NEBL: variants seen among roughly 807,000 people sequenced by gnomAD.
NEBL encodes the protein LIM and SH3 protein 2.
NEBL carries 122 observed loss-of-function variants against 140.2 expected under a neutral mutation model. That is an observed-to-expected ratio of 0.87 (90% CI 0.75 to 1.01). The LOEUF is 1.01. Ranked by LOEUF, NEBL falls within the 50% of genes least tolerant of loss-of-function variation. The pLI is 0.00. For synonymous variants in NEBL, 436 were observed against 398.9 expected, an observed-to-expected ratio of 1.09 and a Z score of -1.11; for missense variants, 1,365 against 1,231.3, an observed-to-expected ratio of 1.11 and a Z score of -1.62.
rs1028106790 is a variant in NEBL, at chr10:20,808,505, G to A, written c.2761+5C>T. ...TTTTCTTTGTAAGCAGTGAATGTTT[G>A]ATACCTCCTTCATCAGACGGTCTTG... On this transcript the variant is annotated splice_donor_5th_base_variant and intron_variant, in intron 26 of 27. Coordinates refer to ENST00000377122, the MANE Select transcript of NEBL (RefSeq NM_006393.3). The A allele has an allele frequency of 6.2e-7, 1 of 1,613,604 alleles. No homozygotes were observed. Among genetic ancestry groups the A allele is most frequent in the African/African-American group, 1.3e-5 (1 of 74,880 alleles).
intron 2 of NEBL, among the ~76,000 whole-genome samples, chr10:21,150,733 C>A (rs966601239): frequency 2.6e-5 from 4 of 152,092 alleles, no homozygotes; most frequent in African/African-American, 9.7e-5. Context: ...AAGTCACACC[C>A]GAAGCCAACA....
At chr10:20,947,306 C>T (rs12217637) in intron 4 of NEBL, among the ~76,000 whole-genome samples, 6,416 of 152,178 alleles carry the variant, frequency 0.042, 283 homozygotes, top group East Asian at 0.16. Context: ...TCAGGCAGCA[C>T]AGATTTAAGA....
At chr10:21,029,542 C>A (rs1217342893) in intron 2 of NEBL, 2 of 1,606,670 alleles carry the variant, frequency 1.2e-6, no homozygotes, top group Non-Finnish European at 1.7e-6. Context: ...CAGGGACGAT[C>A]GTTCTTTTGG....
At chr10:21,243,743 G>A (rs779717258) in intron 3 of NEBL, among the ~76,000 whole-genome samples, 6 of 152,178 alleles carry the variant, frequency 3.9e-5, no homozygotes, top group Non-Finnish European at 5.9e-5. Flanking sequence ...TTCAACCTGC[G>A]CTTCCTTTCC....
chr10:20,953,481 C>T (rs1004973598), intron 4 of NEBL, among the ~76,000 whole-genome samples: 5 of 150,910 alleles, frequency 3.3e-5, no homozygotes, highest in African/African-American at 1.2e-4. Context: ...TGTTATGGTG[C>T]CTGAGCAGAC....
chr10:20,958,847 T>C (rs189185243), intron 4 of NEBL, among the ~76,000 whole-genome samples: 4 of 152,182 alleles, frequency 2.6e-5, no homozygotes, highest in Non-Finnish European at 5.9e-5. Flanking sequence ...CACTCTCACC[T>C]CGTTCATCAC....
intron 3 of NEBL, among the ~76,000 whole-genome samples, chr10:21,191,660 A>G (rs969829138): frequency 6.6e-6 from 1 of 152,214 alleles, no homozygotes; most frequent in Non-Finnish European, 1.5e-5. Flanking sequence ...CCATTATGTA[A>G]TTATTTGACC....
intron 1 of NEBL, among the ~76,000 whole-genome samples, chr10:21,273,105 GA>G (rs1842878203): frequency 6.6e-6 from 1 of 152,180 alleles, no homozygotes; most frequent in East Asian, 1.9e-4. Flanking sequence ...TCCACATGAT[GA>G]AATTGGACAG....
chr10:20,822,327 A>AAT (rs766147686), intron 19 of NEBL, among the ~76,000 whole-genome samples: 36 of 151,650 alleles, frequency 2.4e-4, no homozygotes, highest in South Asian at 2.3e-3. Context: ...TTTGTAGACT[A>AAT]ATATATATAT....
rs201869237 is a variant in NEBL at position 21,020,207 on chromosome 10, G to C, written c.165-6C>G. 235 of 1,612,774 alleles carry C rather than the reference G, an allele frequency of 1.5e-4. No homozygotes were observed. The highest frequency in any genetic ancestry group is 1.6e-4 in the Middle Eastern group (1 of 6,082). On this transcript the variant is annotated splice_polypyrimidine_tract_variant and splice_region_variant and intron_variant, in intron 2 of 6. Transcript: ENST00000417816. Reference sequence around the variant, plus strand: ...AGGACTGCTTCGGGTAGTGTCTGTGGGGAAATTTTTTAAAAGGACATAATT... The same window carrying C: ...AGGACTGCTTCGGGTAGTGTCTGTGCGGAAATTTTTTAAAAGGACATAATT...
intron 2 of NEBL, among the ~76,000 whole-genome samples, chr10:20,890,573 C>G (rs1398801660): frequency 6.6e-6 from 1 of 152,146 alleles, no homozygotes. Context: ...TGAACCTGCC[C>G]AGAAAGCTTG....
intron 3 of NEBL, among the ~76,000 whole-genome samples, chr10:21,214,822 T>A (rs1221057864): frequency 1.3e-5 from 2 of 152,234 alleles, no homozygotes; most frequent in African/African-American, 4.8e-5. Context: ...TATTTTTGGC[T>A]ACACTCCTAA....
intron 2 of NEBL, among the ~76,000 whole-genome samples, chr10:20,891,604 C>G (rs1381603280): frequency 6.6e-6 from 1 of 152,124 alleles, no homozygotes; most frequent in African/African-American, 2.4e-5. Flanking sequence ...ACGTTCAGGA[C>G]AGGAGGACTG....
At chr10:21,027,137 A>G (rs1180603963) in intron 2 of NEBL, among the ~76,000 whole-genome samples, 1 of 152,118 alleles carries the variant, frequency 6.6e-6, no homozygotes, top group Non-Finnish European at 1.5e-5. Flanking sequence ...ATAACAAATC[A>G]TGGCCACATG....
At chr10:21,197,055 T>C (rs1841664918) in intron 3 of NEBL, among the ~76,000 whole-genome samples, 2 of 152,228 alleles carry the variant, frequency 1.3e-5, no homozygotes, top group Admixed American at 6.5e-5. Flanking sequence ...ATGATGAAGA[T>C]ACATTGGCAC....
At chr10:21,016,470 T>A (rs1038790534) in intron 3 of NEBL, among the ~76,000 whole-genome samples, 5 of 152,072 alleles carry the variant, frequency 3.3e-5, no homozygotes, top group African/African-American at 1.2e-4. Flanking sequence ...AAAGAGAAAA[T>A]TTTTTAAAGA....
Position 20,868,749 on chromosome 10 carries a change from C to G in NEBL, c.599G>C (p.Gly200Ala), listed in dbSNP as rs727503336. ...KIISNAEYKKGQGIMNKEPAV... is the reference protein window; with the variant it reads ...KIISNAEYKKAQGIMNKEPAV... ...GGGCTCTTTATTCATTATTCCTTGT[C>G]CTTTCTTGTATTCTGCCTAAAATGA... The change falls in exon 7 of 28, where the codon GGA becomes GCA. Residue 200 changes from glycine (G) to alanine (A), a missense_variant. Gly to Ala is a moderately conservative substitution (Grantham distance 60). This residue lies in a region of NEBL where 1,323 missense variants were observed against 1,154.8 expected (regional missense o/e 1.15). Coordinates refer to ENST00000377122, the MANE Select transcript of NEBL (RefSeq NM_006393.3). 42 of 1,607,348 alleles carry G rather than the reference C, an allele frequency of 2.6e-5. No homozygotes were observed. The highest frequency in any genetic ancestry group is 1.6e-4 in the Middle Eastern group (1 of 6,066).
chr10:21,109,896 T>C (rs59793024), intron 2 of NEBL, among the ~76,000 whole-genome samples: 2,693 of 152,252 alleles, frequency 0.018, 72 homozygotes, highest in African/African-American at 0.062. Flanking sequence ...TTCTCTCTTA[T>C]CTTCTTTACT....
chr10:21,205,635 GA>G (rs1377899883), intron 3 of NEBL, among the ~76,000 whole-genome samples: 1 of 151,912 alleles, frequency 6.6e-6, no homozygotes, highest in South Asian at 2.1e-4. Context: ...ATATATTATG[GA>G]AAAAAACACA....
Sources: gnomAD v4.1 joint callset for allele counts (sites outside exome capture counted in the v4.1 genomes callset) on GRCh38, gnomAD v4.1.1 for gene constraint, gnomAD v4.1.1 regional missense constraint, MANE v1.5 for transcripts, NCBI Gene and HGNC (gene_info 2026-07-23, HGNC 2026-07-21) for gene names.